Variants in RALGPS1 observed in about 807,000 individuals in gnomAD.
RALGPS1 encodes Ral GEF with PH domain and SH3 binding motif 1, also known as ras-specific guanine nucleotide-releasing factor RalGPS1.
A neutral mutation model predicts 78.8 loss-of-function variants in RALGPS1; 19 were observed. The observed-to-expected ratio is 0.24, with a 90% CI of 0.17 to 0.35. The LOEUF (loss-of-function observed/expected upper bound fraction) is 0.35, where lower values mean the gene tolerates loss of function less well. Ranked by LOEUF, RALGPS1 falls within the 10% of genes least tolerant of loss-of-function variation. The probability of loss-of-function intolerance (pLI) is 1.00; values close to 1 mark genes in which losing one functional copy is unlikely to be tolerated. For missense variants in RALGPS1, 454 were observed against 688.3 expected (o/e 0.66, Z 3.81); for synonymous variants, 228 against 256.3 (o/e 0.89, Z 1.06).
At chr9:127,180,169 C>T (rs1016785983) in intron 11 of RALGPS1, among the ~76,000 whole-genome samples, 6 of 152,178 alleles carry the variant, frequency 3.9e-5, no homozygotes, top group African/African-American at 1.4e-4. Flanking sequence ...TCATAAAGAA[C>T]GTTGACCCCC....
At chr9:127,073,301 T>G (rs1422853126) in intron 8 of RALGPS1, among the ~76,000 whole-genome samples, 9 of 152,186 alleles carry the variant, frequency 5.9e-5, no homozygotes, top group Non-Finnish European at 1.3e-4. Flanking sequence ...AAGATCAGCT[T>G]TTTTAGCTAG....
chr9:126,936,671 A>G (rs1425148560), intron 1 of RALGPS1, among the ~76,000 whole-genome samples: 1 of 152,152 alleles, frequency 6.6e-6, no homozygotes, highest in Non-Finnish European at 1.5e-5. Context: ...TACCCAGCCA[A>G]GATGTCAGTG....
chr9:126,917,683 G>C (rs1421458468), intron 1 of RALGPS1, among the ~76,000 whole-genome samples: 2 of 152,220 alleles, frequency 1.3e-5, no homozygotes, highest in African/African-American at 2.4e-5. Flanking sequence ...GATCCACCTG[G>C]TTAGGGTCCT....
intron 5 of RALGPS1, among the ~76,000 whole-genome samples, chr9:127,045,858 A>G (rs2047724856): frequency 6.6e-6 from 1 of 152,030 alleles, no homozygotes; most frequent in Non-Finnish European, 1.5e-5. Context: ...AGCAGCAAGC[A>G]TACTTCATAC....
intron 1 of RALGPS1, among the ~76,000 whole-genome samples, chr9:126,936,146 G>A (rs536974882): frequency 2.0e-5 from 3 of 152,230 alleles, no homozygotes; most frequent in African/African-American, 7.2e-5. Context: ...CCTCAGGCAT[G>A]CTAAGGCAGC....
At position 127,091,189 on chromosome 9, in the gene RALGPS1, T is replaced by C. The variant is rs1220887936; in HGVS notation, c.610+21833T>C. Among the ~76,000 whole-genome samples, 1 of 152,254 alleles carries C rather than the reference T, an allele frequency of 6.6e-6. No individual in the cohort carries two copies. Among genetic ancestry groups the C allele is most frequent in the Non-Finnish European group, 1.5e-5 (1 of 68,040 alleles). On this transcript the variant is annotated intron_variant, in intron 8 of 18. Coordinates refer to ENST00000259351, the MANE Select transcript of RALGPS1 (RefSeq NM_014636.3). This position sits in a 1 kb window ranked among gnomAD's most constrained non-coding sequence, Gnocchi z 4.3. Reference sequence around the variant, plus strand: ...TTCTCCCTACTCTGCAATGTAGTTCTTGTCCTTACTTCCAGATGCAGAAAC... The same window carrying C: ...TTCTCCCTACTCTGCAATGTAGTTCCTGTCCTTACTTCCAGATGCAGAAAC...
intron 1 of RALGPS1, among the ~76,000 whole-genome samples, chr9:126,917,295 C>T (rs2034275655): frequency 6.6e-6 from 1 of 152,204 alleles, no homozygotes; most frequent in African/African-American, 2.4e-5. Context: ...GAGTGACCAT[C>T]ATGCTCTTTG....
intron 3 of RALGPS1, among the ~76,000 whole-genome samples, chr9:126,969,502 A>G (rs1320629901): frequency 1.3e-5 from 2 of 152,224 alleles, no homozygotes; most frequent in Non-Finnish European, 2.9e-5. Context: ...GTATAACACT[A>G]GAGCCTGCAC....
intron 3 of RALGPS1, 110 bp downstream of exon 3, chr9:126,966,061 G>A: frequency 1.3e-6 from 1 of 740,856 alleles, no homozygotes; most frequent in South Asian, 1.6e-5. Flanking sequence ...TGCCCAGCAA[G>A]AGGGGAGTGT....
At chr9:126,998,561 T>A (rs2042989157) in intron 4 of RALGPS1, among the ~76,000 whole-genome samples, 1 of 152,212 alleles carries the variant, frequency 6.6e-6, no homozygotes, top group African/African-American at 2.4e-5. Context: ...ACTTTGACAC[T>A]GTTGGTGGGA....
At chr9:127,013,013 A>G (rs112976512) in intron 4 of RALGPS1, among the ~76,000 whole-genome samples, 1 of 152,210 alleles carries the variant, frequency 6.6e-6, no homozygotes, top group African/African-American at 2.4e-5. Flanking sequence ...AGGGGAGCCA[A>G]TACTTCCAGC....
chr9:127,077,135 T>C (rs1331421679), intron 8 of RALGPS1, among the ~76,000 whole-genome samples: 2 of 152,086 alleles, frequency 1.3e-5, no homozygotes, highest in Non-Finnish European at 2.9e-5. Context: ...TGAAAGGGTT[T>C]TAAGCAAGGG....
At chr9:127,095,496 G>T (rs907119559) in intron 8 of RALGPS1, among the ~76,000 whole-genome samples, 6 of 152,270 alleles carry the variant, frequency 3.9e-5, no homozygotes, top group Admixed American at 6.5e-5. Flanking sequence ...CAATTTGTAT[G>T]TTTATTCAAC....
chr9:127,089,272 C>G (rs2052156016), intron 8 of RALGPS1: 1 of 883,736 alleles, frequency 1.1e-6, no homozygotes, highest in East Asian at 2.6e-5. Flanking sequence ...GGACCCGTCT[C>G]CATGGGTGGT....
intron 11 of RALGPS1, among the ~76,000 whole-genome samples, chr9:127,191,380 A>G (rs2061022741): frequency 6.6e-6 from 1 of 152,156 alleles, no homozygotes; most frequent in Non-Finnish European, 1.5e-5. Flanking sequence ...CACTTGCTTA[A>G]CATAAGGCAG....
intron 4 of RALGPS1, among the ~76,000 whole-genome samples, chr9:126,986,600 C>T (rs2417045): frequency 6.6e-6 from 1 of 152,150 alleles, no homozygotes; most frequent in South Asian, 2.1e-4. Flanking sequence ...GAGTTGAAGG[C>T]GCAGCAGTGT....
chr9:127,067,191 G>GT (rs2049790774), intron 7 of RALGPS1, among the ~76,000 whole-genome samples: 1 of 152,166 alleles, frequency 6.6e-6, no homozygotes, highest in Non-Finnish European at 1.5e-5. Flanking sequence ...AGAAGATGGT[G>GT]TTTTTCCCTG....
chr9:127,164,246 A>G (rs1342947245), intron 8 of RALGPS1, among the ~76,000 whole-genome samples: 1 of 152,032 alleles, frequency 6.6e-6, no homozygotes, highest in Non-Finnish European at 1.5e-5. Flanking sequence ...TGTTATTATT[A>G]TTATTATTAG....
chr9:127,024,374 C>G (rs930481451), intron 4 of RALGPS1, among the ~76,000 whole-genome samples: 3 of 150,970 alleles, frequency 2.0e-5, no homozygotes, highest in African/African-American at 7.3e-5. Context: ...ATTTGGCACA[C>G]CAAAGCCTGA....
Sources: allele counts gnomAD v4.1 joint callset (sites outside exome capture counted in the v4.1 genomes callset), GRCh38; gene constraint gnomAD v4.1.1; non-coding constraint Gnocchi (gnomAD v3.1); transcripts MANE v1.5; gene names NCBI Gene and HGNC (gene_info 2026-07-23, HGNC 2026-07-21).